The following ANKMY1 variants were observed in gnomAD, a reference collection of about 807,000 sequenced individuals.
ANKMY1 encodes ankyrin repeat and MYND domain-containing protein 1.
A neutral mutation model predicts 102.0 loss-of-function variants in ANKMY1; 98 were observed. That is an observed-to-expected ratio of 0.96 (90% CI 0.82 to 1.14). The LOEUF (loss-of-function observed/expected upper bound fraction) is 1.14, where lower values mean the gene tolerates loss of function less well. Ranked by LOEUF, ANKMY1 falls within the 50% of genes most tolerant of loss-of-function variation. The pLI, the probability that ANKMY1 is intolerant of heterozygous loss-of-function variation, is 0.00. For synonymous variants in ANKMY1, 582 were observed against 559.9 expected (o/e 1.04, Z -0.56); for missense variants, 1,330 against 1,347.6 (o/e 0.99, Z 0.20).
At chr2:240,558,822 G>A (rs942804297), upstream of ANKMY1, among the ~76,000 whole-genome samples, 1 of 152,092 alleles carries the variant, frequency 6.6e-6, no homozygotes, top group African/African-American at 2.4e-5. Context: ...CCTGTCTGTT[G>A]AGTTCACTTC....
At chr2:240,473,053 G>A in the ANKMY1 span, among the ~76,000 whole-genome samples, 1 of 149,678 alleles carries the variant, frequency 6.7e-6, no homozygotes, top group Non-Finnish European at 1.5e-5. Flanking sequence ...GAACCCGGGA[G>A]ACGGAGGCTG....
rs2079012050 is a variant in ANKMY1 at position 240,506,042 on chromosome 2, C to A, written c.2526+1518G>T. On this transcript the variant is annotated intron_variant, in intron 13 of 17. Transcript: ENST00000401804. The surrounding 1 kb of genome is among the most constrained non-coding windows in gnomAD (Gnocchi z 4.9). The stretch of plus-strand genomic sequence containing the variant: ...TAACCCCGGATGAGGCACCGGGGAG[C>A]CTCCTAACCCCGGACAAGATGCTGG... Among the ~76,000 whole-genome samples the A allele has an allele frequency of 6.6e-6, 1 of 152,172 alleles. No individual in the cohort carries two copies. The highest frequency in any genetic ancestry group is 2.4e-5 in the African/African-American group (1 of 41,452).
In ANKMY1 at chr2:240,520,509, G is replaced by A; in HGVS notation, c.1857C>T (p.Ile619=). ...MIERRKRWRT[I]KLLLRRGADP... ...CCGCGCCCCGGCGCAGCAGCAGCTTGATGGTCCGCCAGCGCTTCCTCCGCC... is the reference window on the plus strand; with the variant it reads ...CCGCGCCCCGGCGCAGCAGCAGCTTAATGGTCCGCCAGCGCTTCCTCCGCC... Residue 619 remains isoleucine, a synonymous_variant, in exon 9 of 18, where the codon ATC becomes ATT. Transcript: ENST00000401804. This position sits in a 1 kb window ranked among gnomAD's most constrained non-coding sequence, Gnocchi z 4.8. 1 of 1,612,880 alleles carries A rather than the reference G, an allele frequency of 6.2e-7. No individual in the cohort carries two copies. The highest frequency in any genetic ancestry group is 1.1e-5 in the South Asian group (1 of 91,026).
At position 240,525,784 on chromosome 2, in the gene ANKMY1, T is replaced by C. The variant is rs372460903; in HGVS notation, c.1236A>G (p.Ser412=). The C allele has an allele frequency of 1.9e-6, 3 of 1,614,034 alleles. No homozygotes were observed. Among genetic ancestry groups the C allele is most frequent in the African/African-American group, 2.7e-5 (2 of 74,916 alleles). ...LDCGADVNKC[S]DEGLTALSMC... Reference sequence around the variant, plus strand: ...TGCTGAGTGCCGTGAGACCCTCATCTGAGCACTTGTTCACGTCGGCCCCAC... The same window carrying C: ...TGCTGAGTGCCGTGAGACCCTCATCCGAGCACTTGTTCACGTCGGCCCCAC... Residue 412 remains serine (S), a synonymous_variant, in exon 7 of 18, where the codon TCA becomes TCG. Coordinates refer to ENST00000401804, the MANE Select transcript of ANKMY1 (RefSeq NM_001282771.3).
intron 9 of ANKMY1, among the ~76,000 whole-genome samples, chr2:240,514,708 A>G (rs1480562519): frequency 6.6e-6 from 1 of 152,234 alleles, no homozygotes; most frequent in Non-Finnish European, 1.5e-5. Context: ...TGCATTGAAG[A>G]GCAAAGAAAC....
In ANKMY1 at chr2:240,520,183, G is replaced by T; in HGVS notation, c.2004+179C>A. The T allele has an allele frequency of 1.1e-6, 1 of 911,340 alleles. No homozygotes were observed. The allele number at this position is 911,340 out of a possible 1,614,324, so 56.5% of individuals were successfully genotyped here. ...GTGTCCAAATCCTGTCTGGGGACAT[G>T]GGTGAAAGAGCGGGCTGTGGGACCC... is the stretch of plus-strand genomic sequence containing the variant. On this transcript the variant is annotated intron_variant, in intron 9 of 17. Transcript: ENST00000401804. This position sits in a 1 kb window ranked among gnomAD's most constrained non-coding sequence, Gnocchi z 4.8.
chr2:240,472,354 T>C, the ANKMY1 span, among the ~76,000 whole-genome samples: 2 of 152,272 alleles, frequency 1.3e-5, no homozygotes, highest in South Asian at 4.1e-4. Context: ...TGCCATGGTC[T>C]GAAGGCAGTC....
intron 5 of ANKMY1, chr2:240,526,840 C>T (rs2083552369): frequency 8.5e-7 from 1 of 1,177,100 alleles, no homozygotes; most frequent in Non-Finnish European, 1.1e-6. Context: ...ACATTCCACC[C>T]TCTGCTCATC....
At chr2:240,552,277 G>T (rs1324940730) in intron 4 of ANKMY1, among the ~76,000 whole-genome samples, 1 of 152,056 alleles carries the variant, frequency 6.6e-6, no homozygotes, top group Non-Finnish European at 1.5e-5. Flanking sequence ...CACTCATATT[G>T]GCTCAGAATA....
chr2:240,519,049 G>A (rs574772635), intron 9 of ANKMY1, among the ~76,000 whole-genome samples: 6 of 152,330 alleles, frequency 3.9e-5, no homozygotes, highest in African/African-American at 1.4e-4. Context: ...AACGATGGAC[G>A]AGTGTTTACA....
intron 15 of ANKMY1, among the ~76,000 whole-genome samples, chr2:240,495,064 A>G (rs922669464): frequency 4.4e-4 from 67 of 152,314 alleles, no homozygotes; most frequent in African/African-American, 1.5e-3. Context: ...CTGAGGGGAC[A>G]TGGTGAGAAG....
At chr2:240,471,015 T>C in the ANKMY1 span, among the ~76,000 whole-genome samples, 1 of 152,040 alleles carries the variant, frequency 6.6e-6, no homozygotes, top group African/African-American at 2.4e-5. Flanking sequence ...GAGCTGGAAC[T>C]GGAACCCCAG....
At chr2:240,507,784 C>T (rs1195450836) in intron 12 of ANKMY1, 93 bp from the exon 13 acceptor site, 1 of 1,426,384 alleles carries the variant, frequency 7.0e-7, no homozygotes, top group East Asian at 2.6e-5. Context: ...CAGAACTAAC[C>T]CCTGAAAGCA....
chr2:240,509,683 C>A (rs1464134309), intron 11 of ANKMY1, among the ~76,000 whole-genome samples: 1 of 152,156 alleles, frequency 6.6e-6, no homozygotes, highest in Non-Finnish European at 1.5e-5. Context: ...ATTTTCTAAG[C>A]ATTCATCACT....
In ANKMY1 at chr2:240,557,865, T is replaced by C. The variant is rs2092570054; in HGVS notation, c.-18+16A>G. ...CCCTAGCCCCGGCTCCCAGCGCTCC[T>C]GTCGCGAGACCGCACCAAGCAAGAC... On this transcript the variant is annotated intron_variant, in intron 1 of 17. Transcript: ENST00000401804. The C allele has an allele frequency of 1.6e-5, 16 of 985,166 alleles. No individual in the cohort carries two copies. Among genetic ancestry groups the C allele is most frequent in the Non-Finnish European group, 1.8e-5 (15 of 829,878 alleles). The allele number at this position is 985,166 out of a possible 1,614,324, so 61.0% of individuals were successfully genotyped here.
At chr2:240,511,237 A>G (rs2080118509) in intron 11 of ANKMY1, among the ~76,000 whole-genome samples, 1 of 151,750 alleles carries the variant, frequency 6.6e-6, no homozygotes, top group Non-Finnish European at 1.5e-5. Context: ...ACAAGTTACC[A>G]CCTTGCTGAA....
At chr2:240,532,138 G>T in intron 4 of ANKMY1, 1 of 466,234 alleles carries the variant, frequency 2.1e-6, no homozygotes, top group South Asian at 1.6e-5. Context: ...CATTGAAACT[G>T]TAGAAAACCA....
chr2:240,495,987 T>A (rs1574943111), intron 15 of ANKMY1, among the ~76,000 whole-genome samples: 1 of 152,218 alleles, frequency 6.6e-6, no homozygotes, highest in African/African-American at 2.4e-5. Flanking sequence ...TGACTGTCTG[T>A]ACACTGCTCT....
chr2:240,504,479 T>G (rs768640707), intron 13 of ANKMY1, among the ~76,000 whole-genome samples: 1 of 152,198 alleles, frequency 6.6e-6, no homozygotes. Context: ...CTGGACTTCA[T>G]GAAAATTAAA....
Sources: gnomAD v4.1 joint callset for allele counts (sites outside exome capture counted in the v4.1 genomes callset) on GRCh38, gnomAD v4.1.1 for gene constraint, Gnocchi (gnomAD v3.1) non-coding constraint, MANE v1.5 for transcripts, NCBI Gene and HGNC (gene_info 2026-07-23, HGNC 2026-07-21) for gene names.